FMN2: variants seen among roughly 807,000 people sequenced by gnomAD.
The protein encoded by FMN2 is formin-2.
In FMN2, 51 loss-of-function variants were observed where a neutral mutation model predicts 142.3. The observed-to-expected ratio is 0.36, with a 90% confidence interval of 0.29 to 0.45. FMN2 has a LOEUF of 0.45. Among genes scored for constraint, FMN2 ranks in the 20% least tolerant of loss-of-function variants. The probability of loss-of-function intolerance (pLI) is 1.00; values close to 1 mark genes in which losing one functional copy is unlikely to be tolerated. For missense variants in FMN2, 1,936 were observed against 2,122.8 expected (o/e 0.91, Z 1.73); for synonymous variants, 882 against 869.8 (o/e 1.01, Z -0.25).
Position 240,108,867 on chromosome 1 carries a change from C to T in FMN2, c.1616-14312C>T, listed in dbSNP as rs556903131. ...CCTGGCCAACATGGTGAAACCCTGTCTCTACTACCAATACAAAAATTAGCC... is the reference window on the plus strand; with the variant it reads ...CCTGGCCAACATGGTGAAACCCTGTTTCTACTACCAATACAAAAATTAGCC... On this transcript the variant is annotated intron_variant, in intron 1 of 17. Transcript: ENST00000319653. Among the ~76,000 whole-genome samples the T allele has an allele frequency of 3.9e-5, 6 of 152,264 alleles. No homozygotes were observed. In the South Asian group the frequency reaches 1.0e-3, roughly 26 times the overall value.
At chr1:240,415,168 A>G (rs1269295138) in intron 15 of FMN2, among the ~76,000 whole-genome samples, 1 of 152,248 alleles carries the variant, frequency 6.6e-6, no homozygotes, top group Non-Finnish European at 1.5e-5. Context: ...TGGATAAAGA[A>G]AATGTGGCAC....
chr1:240,262,282 C>G (rs1019500334), intron 7 of FMN2, among the ~76,000 whole-genome samples: 3 of 151,886 alleles, frequency 2.0e-5, no homozygotes, highest in African/African-American at 4.8e-5. Context: ...AGGGCAAAAG[C>G]AGTTTGTGAG....
chr1:240,451,085 T>A (rs1676021399), intron 16 of FMN2, among the ~76,000 whole-genome samples: 1 of 152,178 alleles, frequency 6.6e-6, no homozygotes, highest in Non-Finnish European at 1.5e-5. Flanking sequence ...GCATTTGTCT[T>A]GGCTGGGCGC....
intron 15 of FMN2, among the ~76,000 whole-genome samples, chr1:240,401,703 A>C (rs747413764): frequency 3.3e-5 from 5 of 152,174 alleles, no homozygotes; most frequent in Non-Finnish European, 7.3e-5. Context: ...AGGATCATAT[A>C]ATAACTGAAC....
chr1:240,195,130 C>T (rs189425635), intron 4 of FMN2, among the ~76,000 whole-genome samples: 338 of 152,290 alleles, frequency 2.2e-3, no homozygotes, highest in Middle Eastern at 6.8e-3. Context: ...TGCGAACTCA[C>T]CTACTTGCTA....
intron 6 of FMN2, among the ~76,000 whole-genome samples, chr1:240,239,451 A>G (rs996834542): frequency 6.6e-6 from 1 of 152,250 alleles, no homozygotes; most frequent in Non-Finnish European, 1.5e-5. Flanking sequence ...ATCATAAATT[A>G]ACTCACTGAC....
intron 8 of FMN2, among the ~76,000 whole-genome samples, chr1:240,318,937 C>G (rs1331237273): frequency 6.6e-6 from 1 of 152,058 alleles, no homozygotes; most frequent in East Asian, 1.9e-4. Flanking sequence ...ATGAGGATCA[C>G]TGAAGATTTA....
At chr1:240,384,178 A>G (rs1249544383) in intron 14 of FMN2, among the ~76,000 whole-genome samples, 1 of 152,052 alleles carries the variant, frequency 6.6e-6, no homozygotes, top group African/African-American at 2.4e-5. Context: ...GGAAGGGTCA[A>G]AAAACTACCT....
intron 3 of FMN2, among the ~76,000 whole-genome samples, chr1:240,183,634 G>T (rs943813629): frequency 1.2e-4 from 18 of 151,702 alleles, no homozygotes; most frequent in African/African-American, 4.4e-4. Flanking sequence ...CTAGAGCCTA[G>T]GTGTGGCTGT....
intron 2 of FMN2, among the ~76,000 whole-genome samples, chr1:240,149,268 A>G (rs1663661751): frequency 6.6e-6 from 1 of 152,204 alleles, no homozygotes; most frequent in Non-Finnish European, 1.5e-5. Context: ...TTATTATGTA[A>G]TGCACATACA....
At chr1:240,363,624 G>A (rs940779247) in intron 14 of FMN2, among the ~76,000 whole-genome samples, 5 of 152,156 alleles carry the variant, frequency 3.3e-5, no homozygotes, top group Non-Finnish European at 7.3e-5. Context: ...CAGGACAGAG[G>A]CTGCATCCTA....
intron 13 of FMN2, among the ~76,000 whole-genome samples, chr1:240,335,896 C>A (rs771567489): frequency 1.3e-5 from 2 of 152,084 alleles, no homozygotes; most frequent in Non-Finnish European, 2.9e-5. Flanking sequence ...GTAATCCCAG[C>A]ACTTTGGGAG....
At chr1:240,113,084 A>T (rs1661876329) in intron 1 of FMN2, among the ~76,000 whole-genome samples, 1 of 151,998 alleles carries the variant, frequency 6.6e-6, no homozygotes, top group Non-Finnish European at 1.5e-5. Context: ...AGGGCCAATG[A>T]TTTTCATTTA....
At chr1:240,430,088 A>C in intron 15 of FMN2, among the ~76,000 whole-genome samples, 1 of 151,764 alleles carries the variant, frequency 6.6e-6, no homozygotes, top group Admixed American at 6.6e-5. Flanking sequence ...GGATTCCACC[A>C]TGTTAGTCAG....
chr1:240,199,118 A>G (rs1470432435), intron 4 of FMN2, among the ~76,000 whole-genome samples: 1 of 152,140 alleles, frequency 6.6e-6, no homozygotes, highest in Non-Finnish European at 1.5e-5. Flanking sequence ...AAACAAACAA[A>G]CAAAAAACAA....
chr1:240,213,295 C>G (rs976288524), intron 6 of FMN2, among the ~76,000 whole-genome samples: 10 of 152,128 alleles, frequency 6.6e-5, no homozygotes, highest in African/African-American at 2.2e-4. Flanking sequence ...CAGCTTCAAA[C>G]AGGGTTTATG....
chr1:240,146,815 A>G (rs1663502545), intron 2 of FMN2, among the ~76,000 whole-genome samples: 1 of 152,188 alleles, frequency 6.6e-6, no homozygotes, highest in South Asian at 2.1e-4. Flanking sequence ...AAATAAGTGA[A>G]CACCAATCTA....
At position 240,207,207 on chromosome 1, in the gene FMN2, G is replaced by C; in HGVS notation, c.2395G>C (p.Asp799His). 1.9e-6 allele frequency: 3 copies of C among 1,613,908 alleles called. No homozygotes were observed. The highest frequency in any genetic ancestry group is 1.7e-5 in the Admixed American group (1 of 60,000). Residue 799 changes from aspartate to histidine, a missense_variant, in exon 5 of 18, where the codon GAC (aspartate) becomes CAC (histidine). This residue lies in a region of FMN2 where 478 missense variants were observed against 462.8 expected (regional missense o/e 1.03). Coordinates refer to ENST00000319653, the MANE Select transcript of FMN2 (RefSeq NM_020066.5). ...VSPRRISVQL[D>H]SHQPTQSISQ... ...TCCAAGGCGAATATCAGTCCAGCTC[G>C]ACAGCCATCAGCCCACACAGAGCAT...
At chr1:240,179,033 G>A (rs530800395) in intron 3 of FMN2, among the ~76,000 whole-genome samples, 26 of 152,182 alleles carry the variant, frequency 1.7e-4, no homozygotes, top group African/African-American at 6.3e-4. Context: ...TATTAGCTTT[G>A]TAATCTTAGG....
Sources: allele counts gnomAD v4.1 joint callset (sites outside exome capture counted in the v4.1 genomes callset), GRCh38; gene constraint gnomAD v4.1.1; regional missense constraint gnomAD v4.1.1; transcripts MANE v1.5; gene names NCBI Gene and HGNC (gene_info 2026-07-23, HGNC 2026-07-21).